Variants in MEGF8 observed in about 807,000 individuals in gnomAD.
The protein encoded by MEGF8 is multiple EGF like domains 8, also known as multiple epidermal growth factor-like domains protein 8.
In MEGF8, 156 loss-of-function variants were observed where a neutral mutation model predicts 302.9. The observed-to-expected ratio is 0.52, with a 90% confidence interval of 0.45 to 0.59. MEGF8 has a LOEUF of 0.59. Ranked by LOEUF, MEGF8 falls within the 20% of genes least tolerant of loss-of-function variation. The pLI, the probability that MEGF8 is intolerant of heterozygous loss-of-function variation, is 0.00. For synonymous variants in MEGF8, 1,621 were observed against 1,660.5 expected, an observed-to-expected ratio of 0.98 and a Z score of 0.58; for missense variants, 3,345 against 3,964.5, an observed-to-expected ratio of 0.84 and a Z score of 4.20.
chr19:42,340,143 A>G (rs2039191782), intron 8 of MEGF8, among the ~76,000 whole-genome samples: 1 of 152,226 alleles, frequency 6.6e-6, no homozygotes, highest in Non-Finnish European at 1.5e-5. Context: ...ACGTAATGCC[A>G]TTGGATAGCT....
Position 42,353,999 on chromosome 19 carries a change from C to A in MEGF8, c.3986C>A (p.Ser1329Tyr), listed in dbSNP as rs753417146. ...TGTCCCCCACTCACCCTCACCTTCT[C>A]CCCCGACAGCAGCACCCCCTGCACG... Reference protein sequence around the residue: ...TLCPPLTLTFSPDSSTPCTLS... With the variant: ...TLCPPLTLTFYPDSSTPCTLS... The change falls in exon 22 of 42, where the codon TCC (serine) becomes TAC (tyrosine). Residue 1329 changes from serine to tyrosine, a missense_variant. Coordinates refer to ENST00000251268, the MANE Select transcript of MEGF8 (RefSeq NM_001271938.2). This position sits in a 1 kb window ranked among gnomAD's most constrained non-coding sequence, Gnocchi z 6.1. 6.3e-7 allele frequency: 1 copy of A among 1,585,734 alleles called. No individual in the cohort carries two copies. The highest frequency in any genetic ancestry group is 8.6e-7 in the Non-Finnish European group (1 of 1,166,410).
chr19:42,348,133 C>T, intron 12 of MEGF8, 139 bp from the exon 13 acceptor site: 1 of 783,456 alleles, frequency 1.3e-6, no homozygotes, highest in South Asian at 2.0e-5. Context: ...TGACAAGCCA[C>T]CTAACCCCTG....
intron 8 of MEGF8, among the ~76,000 whole-genome samples, chr19:42,341,313 C>T (rs2039209556): frequency 6.6e-6 from 1 of 151,140 alleles, no homozygotes; most frequent in African/African-American, 2.4e-5. Context: ...CCTGTGGTCA[C>T]AGCTACTCAG....
chr19:42,364,840 G>A (rs1189600123), intron 35 of MEGF8, among the ~76,000 whole-genome samples: 2 of 152,202 alleles, frequency 1.3e-5, no homozygotes, highest in Non-Finnish European at 2.9e-5. Flanking sequence ...CCCTAGGGAG[G>A]TTGTACCAGT....
Position 42,376,516 on chromosome 19 carries a change from C to A in MEGF8, c.8279C>A (p.Thr2760Asn). The change falls in exon 42 of 42, where the codon ACT (threonine) becomes AAT (asparagine). Residue 2760 changes from threonine (T) to asparagine (N), a missense_variant. Coordinates refer to ENST00000251268, the MANE Select transcript of MEGF8 (RefSeq NM_001271938.2). This position sits in a 1 kb window ranked among gnomAD's most constrained non-coding sequence, Gnocchi z 8.2. The part of the protein sequence containing the change: ...GCCPPAIPAT[T>N]AGLRAGPITL... ...TGCCCACCAGCCATCCCCGCCACCA[C>A]TGCTGGGCTGCGAGCTGGGCCCATC... The A allele has an allele frequency of 6.3e-7, 1 of 1,577,022 alleles. No homozygotes were observed. Among genetic ancestry groups the A allele is most frequent in the Admixed American group, 1.8e-5 (1 of 54,300 alleles).
At chr19:42,362,619 T>A in intron 34 of MEGF8, 22 bp downstream of exon 34, 1 of 1,602,706 alleles carries the variant, frequency 6.2e-7, no homozygotes, top group Non-Finnish European at 8.5e-7. Flanking sequence ...GCCTAGTTCC[T>A]GAGAGGGGAG....
At position 42,358,928 on chromosome 19, in the gene MEGF8, G is replaced by A. The variant is rs754218851; in HGVS notation, c.5317G>A (p.Glu1773Lys). 6.2e-7 allele frequency: 1 copy of A among 1,611,526 alleles called. No homozygotes were observed. Among genetic ancestry groups the A allele is most frequent in the Non-Finnish European group, 8.5e-7 (1 of 1,179,014 alleles). Reference protein sequence around the residue: ...AALAGTGGFLEEISPHLKEPR... With the variant: ...AALAGTGGFLKEISPHLKEPR... ...TCTTGCTGGTACAGGAGGTTTCCTG[G>A]AGGAAATCTCACCTCACCTGAAGGA... Residue 1773 changes from glutamate (E) to lysine (K), a missense_variant, in exon 30 of 42, where the codon GAG becomes AAG. Coordinates refer to ENST00000251268, the MANE Select transcript of MEGF8 (RefSeq NM_001271938.2). The surrounding 1 kb of genome is among the most constrained non-coding windows in gnomAD (Gnocchi z 4.4).
chr19:42,334,034 A>G lies in MEGF8; in HGVS notation c.379A>G (p.Asn127Asp), dbSNP rs2039089677. 1 of 1,613,734 alleles carries G rather than the reference A, an allele frequency of 6.2e-7. No homozygotes were observed. The highest frequency in any genetic ancestry group is 8.5e-7 in the Non-Finnish European group (1 of 1,179,820). ...KMLLHLFSDA[N>D]YNLLGFNASF... Reference sequence around the variant, plus strand: ...GCTGCTGCACCTCTTCAGTGATGCCAACTACAACCTGCTGGGCTTTAACGC... The same window carrying G: ...GCTGCTGCACCTCTTCAGTGATGCCGACTACAACCTGCTGGGCTTTAACGC... The change falls in exon 3 of 42, where the codon AAC becomes GAC. Residue 127 changes from asparagine to aspartate, a missense_variant. By Grantham distance (23) the Asn-to-Asp change is conservative. Transcript: ENST00000251268.
intron 41 of MEGF8, among the ~76,000 whole-genome samples, chr19:42,373,950 C>T (rs748431840): frequency 4.6e-5 from 7 of 151,844 alleles, no homozygotes; most frequent in South Asian, 4.2e-4. Flanking sequence ...TGGGCTCAAG[C>T]GGCACTCCTG....
Position 42,352,792 on chromosome 19 carries a change from C to T in MEGF8, c.3351-136C>T. On this transcript the variant is annotated intron_variant, in intron 19 of 41. Transcript: ENST00000251268. This position sits in a 1 kb window ranked among gnomAD's most constrained non-coding sequence, Gnocchi z 4.4. The stretch of plus-strand genomic sequence containing the variant: ...GTGATGCATGGAGTTACCTTGGAGA[C>T]AGGGTCACCCACATAGCCCAAAACC... 1 of 693,662 alleles carries T rather than the reference C, an allele frequency of 1.4e-6. No homozygotes were observed. The highest frequency in any genetic ancestry group is 1.8e-5 in the South Asian group (1 of 54,076). 43.0% of individuals were successfully genotyped at this position (693,662 alleles called of 1,614,324 possible). A position where few individuals can be genotyped will look rare whatever the true frequency, so the allele number is the denominator to read the frequency against.
chr19:42,371,590 C>G lies in MEGF8; in HGVS notation c.7269+108C>G, dbSNP rs564473324. 579 of 1,486,506 alleles carry G rather than the reference C, an allele frequency of 3.9e-4. 3 individuals are homozygous for G. The Middle Eastern group carries it at 4.8e-3, about 12-fold the overall frequency. The allele number at this position is 1,486,506 out of a possible 1,614,324, so 92.1% of individuals were successfully genotyped here. A position where few individuals can be genotyped will look rare whatever the true frequency, so the allele number is the denominator to read the frequency against. On this transcript the variant is annotated intron_variant, in intron 41 of 41. Coordinates refer to ENST00000251268, the MANE Select transcript of MEGF8 (RefSeq NM_001271938.2). ...CAGGACTGACAACATGGTTCCAAAT[C>G]AGTGGTTTTGGGATCAAGTGCAGCT...
intron 31 of MEGF8, among the ~76,000 whole-genome samples, chr19:42,359,665 C>T (rs2039503575): frequency 6.6e-6 from 1 of 151,808 alleles, no homozygotes; most frequent in Non-Finnish European, 1.5e-5. Context: ...CTTTTTGCTT[C>T]TCTCTCTGAC....
In MEGF8 at chr19:42,344,207, G is replaced by A; in HGVS notation, c.1788+134G>A. 1 of 1,358,846 alleles carries A rather than the reference G, an allele frequency of 7.4e-7. No homozygotes were observed. The highest frequency in any genetic ancestry group is 9.8e-7 in the Non-Finnish European group (1 of 1,017,164). 84.2% of individuals were successfully genotyped at this position (1,358,846 alleles called of 1,614,324 possible). A position where few individuals can be genotyped will look rare whatever the true frequency, so the allele number is the denominator to read the frequency against. On this transcript the variant is annotated intron_variant, in intron 10 of 41. Transcript: ENST00000251268. This position sits in a 1 kb window ranked among gnomAD's most constrained non-coding sequence, Gnocchi z 4.5. ...TTTCATGCCGGAGATCCTCCTTCCTGATTCCTGACTGCGGAGCCCTGAACC... is the reference window on the plus strand; with the variant it reads ...TTTCATGCCGGAGATCCTCCTTCCTAATTCCTGACTGCGGAGCCCTGAACC...
chr19:42,376,754 C>G lies in MEGF8; in HGVS notation c.8517C>G (p.Asn2839Lys). Residue 2839 changes from asparagine to lysine, a missense_variant, in exon 42 of 42, where the codon AAC (asparagine) becomes AAG (lysine). Physicochemically the swap from Asn to Lys is moderately conservative, Grantham distance 94. Transcript: ENST00000251268. The surrounding 1 kb of genome is among the most constrained non-coding windows in gnomAD (Gnocchi z 8.2). ...GGAAGGGACTGTTGAGCCAGGACAA[C>G]CTCACCAGCATGTCCCTCTGACATG... ...AGRKGLLSQD[N>K]LTSMSL 1 of 1,459,028 alleles carries G rather than the reference C, an allele frequency of 6.9e-7. No individual in the cohort carries two copies. 90.4% of individuals were successfully genotyped at this position (1,459,028 alleles called of 1,614,324 possible). A position where few individuals can be genotyped will look rare whatever the true frequency, so the allele number is the denominator to read the frequency against.
chr19:42,362,292 C>T, intron 33 of MEGF8, 79 bp downstream of exon 33: 3 of 1,609,108 alleles, frequency 1.9e-6, no homozygotes, highest in Admixed American at 3.3e-5. Flanking sequence ...GGTCAGCTGT[C>T]CCACCCACCC....
intron 31 of MEGF8, 88 bp downstream of exon 31, chr19:42,359,330 A>G: frequency 1.6e-6 from 2 of 1,286,448 alleles, no homozygotes; most frequent in South Asian, 1.9e-5. Context: ...CTTAGGAGTC[A>G]CTGGGCCCCT....
At chr19:42,341,206 A>G (rs2039207806) in intron 8 of MEGF8, among the ~76,000 whole-genome samples, 1 of 152,004 alleles carries the variant, frequency 6.6e-6, no homozygotes, top group Admixed American at 6.6e-5. Flanking sequence ...CCAAGGCGGG[A>G]AAATCGTGAG....
chr19:42,358,422 T>G lies in MEGF8; in HGVS notation c.5175+115T>G. ...ATTCCTGCTTCCCCTCCTTTCTATG[T>G]TCCCTAACTAAGCGACACCCCCACA... On this transcript the variant is annotated intron_variant, in intron 29 of 41. Coordinates refer to ENST00000251268, the MANE Select transcript of MEGF8 (RefSeq NM_001271938.2). The surrounding 1 kb of genome is among the most constrained non-coding windows in gnomAD (Gnocchi z 4.4). The G allele has an allele frequency of 7.7e-7, 1 of 1,303,128 alleles. No homozygotes were observed. Among genetic ancestry groups the G allele is most frequent in the Non-Finnish European group, 1.0e-6 (1 of 969,288 alleles). 80.7% of individuals were successfully genotyped at this position (1,303,128 alleles called of 1,614,324 possible). A position where few individuals can be genotyped will look rare whatever the true frequency, so the allele number is the denominator to read the frequency against.
Position 42,357,141 on chromosome 19 carries a change from G to A in MEGF8, c.4830+160G>A, listed in dbSNP as rs1206041. Among the ~76,000 whole-genome samples, 12,793 of 152,216 alleles carry A rather than the reference G, an allele frequency of 0.084. 685 individuals are homozygous for A. Among genetic ancestry groups the A allele is most frequent in the Middle Eastern group, 0.17 (49 of 294 alleles). ...CACACTGTTGTCCTGAGCCAGTCCT[G>A]GGCTGGGACACAGCTTCACTCAGCA... On this transcript the variant is annotated intron_variant, in intron 27 of 41. Transcript: ENST00000251268. This position sits in a 1 kb window ranked among gnomAD's most constrained non-coding sequence, Gnocchi z 5.2.
Sources: allele counts gnomAD v4.1 joint callset (sites outside exome capture counted in the v4.1 genomes callset), GRCh38; gene constraint gnomAD v4.1.1; non-coding constraint Gnocchi (gnomAD v3.1); transcripts MANE v1.5; gene names NCBI Gene and HGNC (gene_info 2026-07-23, HGNC 2026-07-21).